Variants in PDE11A observed in about 807,000 individuals in gnomAD.
PDE11A encodes the protein phosphodiesterase 11A.
PDE11A carries 100 observed loss-of-function variants against 100.5 expected under a neutral mutation model. The observed-to-expected ratio is 1.00, with a 90% CI of 0.85 to 1.18. PDE11A has a LOEUF of 1.18. PDE11A is among the 50% of genes most tolerant of loss of function. PDE11A has a pLI of 0.00. For missense variants in PDE11A, 1,141 were observed against 1,152.6 expected, an observed-to-expected ratio of 0.99 and a Z score of 0.15; for synonymous variants, 381 against 420.8, an observed-to-expected ratio of 0.91 and a Z score of 1.16.
intron 10 of PDE11A, among the ~76,000 whole-genome samples, chr2:177,744,339 G>GT (rs1468554047): frequency 1.7e-4 from 17 of 98,864 alleles, no homozygotes; most frequent in Non-Finnish European, 3.4e-4. Context: ...ATTGTTTCAT[G>GT]CTTTTTTTTT....
chr2:178,097,219 G>C (rs1169474432), intron 2 of PDE11A, among the ~76,000 whole-genome samples: 1 of 152,064 alleles, frequency 6.6e-6, no homozygotes, highest in Non-Finnish European at 1.5e-5. Context: ...CTTTATAGCA[G>C]TGCCCCAAAC....
intron 5 of PDE11A, among the ~76,000 whole-genome samples, chr2:177,871,410 C>T (rs933313511): frequency 6.6e-6 from 1 of 151,900 alleles, no homozygotes; most frequent in Non-Finnish European, 1.5e-5. Context: ...TGCAGTTATG[C>T]CCGTGGGAAT....
intron 5 of PDE11A, among the ~76,000 whole-genome samples, chr2:177,850,099 A>T (rs2083673891): frequency 6.6e-6 from 1 of 152,202 alleles, no homozygotes; most frequent in African/African-American, 2.4e-5. Flanking sequence ...CCAAAAGAAC[A>T]AAGCTGGAGG....
At chr2:177,892,114 C>T (rs1285600157) in intron 4 of PDE11A, among the ~76,000 whole-genome samples, 1 of 152,132 alleles carries the variant, frequency 6.6e-6, no homozygotes, top group Non-Finnish European at 1.5e-5. Flanking sequence ...CTTAACATTG[C>T]CCATAAACAC....
intron 13 of PDE11A, among the ~76,000 whole-genome samples, chr2:177,708,933 G>A (rs368525089): frequency 3.9e-5 from 6 of 152,346 alleles, no homozygotes; most frequent in African/African-American, 1.4e-4. Flanking sequence ...GGGTACATTA[G>A]GGTGGATAGA....
intron 12 of PDE11A, among the ~76,000 whole-genome samples, chr2:177,717,933 A>G (rs1470273749): frequency 6.6e-6 from 1 of 152,238 alleles, no homozygotes; most frequent in Non-Finnish European, 1.5e-5. Context: ...ATGGGGGAAT[A>G]TCATAGCCAG....
At chr2:178,080,632 C>G (rs1053327672) in intron 2 of PDE11A, among the ~76,000 whole-genome samples, 1 of 152,060 alleles carries the variant, frequency 6.6e-6, no homozygotes, top group African/African-American at 2.4e-5. Context: ...TTCACTAAAT[C>G]AAAAATAATT....
chr2:177,954,337 C>T (rs1478734056), intron 2 of PDE11A, among the ~76,000 whole-genome samples: 1 of 152,068 alleles, frequency 6.6e-6, no homozygotes, highest in African/African-American at 2.4e-5. Flanking sequence ...TACAGCATAT[C>T]AAGTATCCTC....
At chr2:177,648,103 C>A (rs2080250642) in intron 19 of PDE11A, among the ~76,000 whole-genome samples, 1 of 151,912 alleles carries the variant, frequency 6.6e-6, no homozygotes, top group African/African-American at 2.4e-5. Context: ...CAGAGTGAGA[C>A]CCTGTCTCCA....
At chr2:177,686,141 G>T (rs1158565872) in intron 15 of PDE11A, among the ~76,000 whole-genome samples, 1 of 152,144 alleles carries the variant, frequency 6.6e-6, no homozygotes, top group Non-Finnish European at 1.5e-5. Flanking sequence ...ACAGACAAAA[G>T]GATGGCTACT....
intron 9 of PDE11A, among the ~76,000 whole-genome samples, chr2:177,790,356 A>T (rs1403379954): frequency 1.3e-5 from 2 of 151,746 alleles, no homozygotes; most frequent in Non-Finnish European, 2.9e-5. Context: ...CTGAAACTGG[A>T]TCCCTTCCTT....
chr2:177,915,545 G>A (rs772670959), intron 2 of PDE11A, among the ~76,000 whole-genome samples: 1 of 152,066 alleles, frequency 6.6e-6, no homozygotes, highest in Non-Finnish European at 1.5e-5. Context: ...TTTTATCACT[G>A]ATTAACATTC....
At chr2:177,878,628 T>C (rs2084279145) in intron 4 of PDE11A, among the ~76,000 whole-genome samples, 2 of 152,140 alleles carry the variant, frequency 1.3e-5, no homozygotes, top group Admixed American at 6.6e-5. Context: ...GAAGGTAGAT[T>C]TTATCCTCAT....
chr2:178,067,482 A>C (rs1476389244), intron 1 of PDE11A, among the ~76,000 whole-genome samples: 1 of 152,118 alleles, frequency 6.6e-6, no homozygotes, highest in Non-Finnish European at 1.5e-5. Context: ...TCCCTTATAC[A>C]TATTTTATGC....
In PDE11A at chr2:177,720,878, A is replaced by C. The variant is rs2081516340; in HGVS notation, c.2043+6780T>G. Among the ~76,000 whole-genome samples, 2 of 152,128 alleles carry C rather than the reference A, an allele frequency of 1.3e-5. 1 individual carries two copies. The highest frequency in any genetic ancestry group is 4.1e-4 in the South Asian group (2 of 4,820). On this transcript the variant is annotated intron_variant, in intron 12 of 19. Transcript: ENST00000286063. ...TTCTTTCCCAACCAGAAGCTTCTGA[A>C]GGCACTTACTATCAAATCATAAAAC...
At chr2:178,095,747 C>A (rs2087480365) in intron 2 of PDE11A, among the ~76,000 whole-genome samples, 1 of 152,232 alleles carries the variant, frequency 6.6e-6, no homozygotes, top group Admixed American at 6.5e-5. Context: ...CCTGTGAAAT[C>A]TAGGCAGAGG....
intron 9 of PDE11A, among the ~76,000 whole-genome samples, chr2:177,814,410 A>T (rs145203342): frequency 3.8e-4 from 58 of 152,194 alleles, no homozygotes; most frequent in African/African-American, 1.3e-3. Flanking sequence ...CCTTCCAGAT[A>T]CTCTTGCACA....
chr2:177,881,077 T>C (rs146337871), intron 4 of PDE11A, among the ~76,000 whole-genome samples: 46 of 152,242 alleles, frequency 3.0e-4, no homozygotes, highest in African/African-American at 1.1e-3. Context: ...GTGGGCATTG[T>C]CCAATCCACT....
At position 177,883,227 on chromosome 2, in the gene PDE11A, C is replaced by T. The variant is rs116575128; in HGVS notation, c.1303-7304G>A. On this transcript the variant is annotated intron_variant, in intron 4 of 19. Coordinates refer to ENST00000286063, the MANE Select transcript of PDE11A (RefSeq NM_016953.4). ...GAGGCTGCAGTGAGCCGAGATGCAC[C>T]ACTGCACTCCAGCCTAAGTGACACA... Among the ~76,000 whole-genome samples, 536 of 150,186 alleles carry T rather than the reference C, an allele frequency of 3.6e-3. 2 individuals are homozygous for T. Among genetic ancestry groups the T allele is most frequent in the African/African-American group, 0.013 (519 of 40,740 alleles).
Sources: allele counts gnomAD v4.1 joint callset (sites outside exome capture counted in the v4.1 genomes callset), GRCh38; gene constraint gnomAD v4.1.1; transcripts MANE v1.5; gene names NCBI Gene and HGNC (gene_info 2026-07-23, HGNC 2026-07-21).